RCL1: variants seen among roughly 807,000 people sequenced by gnomAD.
RCL1 encodes RNA terminal phosphate cyclase like 1.
A neutral mutation model predicts 42.4 loss-of-function variants in RCL1; 24 were observed. That is an observed-to-expected ratio of 0.57 (90% CI 0.41 to 0.80). RCL1 has a LOEUF of 0.80. RCL1 is among the 30% of genes least tolerant of loss of function. RCL1 has a pLI of 0.00. For synonymous variants in RCL1, 228 were observed against 177.3 expected (o/e 1.29, Z -2.27); for missense variants, 578 against 467.9 (o/e 1.24, Z -2.17).
At position 4,805,844 on chromosome 9, in the gene RCL1, CAG is replaced by C. The variant is rs201455509; in HGVS notation, c.136+12620_136+12621del. 8.2e-4 allele frequency among the ~76,000 whole-genome samples: 125 copies of C among 152,248 alleles called. 4 individuals carry two copies. The East Asian group carries it at 0.024, about 29-fold the overall frequency. On this transcript the variant is annotated intron_variant, in intron 1 of 8. Coordinates refer to ENST00000381750, the MANE Select transcript of RCL1 (RefSeq NM_005772.5). Reference sequence around the variant, plus strand: ...GCTTGCCTTGTCAGTCTGGGGAACTCAGAGTCTTTATTTCTTTTGTTGCTGTT... The same window carrying C: ...GCTTGCCTTGTCAGTCTGGGGAACTCAGTCTTTATTTCTTTTGTTGCTGTT...
chr9:4,815,665 C>G (rs78914544), intron 1 of RCL1, among the ~76,000 whole-genome samples: 1 of 151,784 alleles, frequency 6.6e-6, no homozygotes, highest in Non-Finnish European at 1.5e-5. Flanking sequence ...GCTGCTTGCT[C>G]CTGGAGCAAG....
intron 1 of RCL1, among the ~76,000 whole-genome samples, chr9:4,814,052 T>C (rs935381546): frequency 2.0e-5 from 3 of 151,888 alleles, no homozygotes; most frequent in African/African-American, 7.3e-5. Flanking sequence ...GTGGGGGGAA[T>C]GACGAGTTAA....
At chr9:4,797,514 C>T (rs942341583) in intron 1 of RCL1, among the ~76,000 whole-genome samples, 3 of 152,284 alleles carry the variant, frequency 2.0e-5, no homozygotes, top group South Asian at 2.1e-4. Context: ...CATTTGGAGA[C>T]ATTTTTGGTT....
chr9:4,811,075 T>C (rs1458989284), intron 1 of RCL1, among the ~76,000 whole-genome samples: 1 of 152,032 alleles, frequency 6.6e-6, no homozygotes, highest in East Asian at 1.9e-4. Context: ...TATTTGAAAA[T>C]ATACACCAGC....
At chr9:4,799,978 C>G (rs1416727485) in intron 1 of RCL1, among the ~76,000 whole-genome samples, 1 of 152,088 alleles carries the variant, frequency 6.6e-6, no homozygotes, top group Non-Finnish European at 1.5e-5. Context: ...GTGTGATTAG[C>G]CTGAGGTTAT....
At chr9:4,817,928 T>C (rs908865409) in intron 1 of RCL1, among the ~76,000 whole-genome samples, 1 of 147,058 alleles carries the variant, frequency 6.8e-6, no homozygotes, top group Non-Finnish European at 1.5e-5. Flanking sequence ...TTTTTTTTTT[T>C]TTTTTTTTTG....
intron 2 of RCL1, among the ~76,000 whole-genome samples, chr9:4,824,574 T>C (rs936918172): frequency 2.0e-5 from 3 of 152,200 alleles, no homozygotes; most frequent in African/African-American, 7.2e-5. Context: ...GAAACTTGTG[T>C]CTACATTGTA....
At chr9:4,821,654 T>TC (rs1816599891) in intron 1 of RCL1, among the ~76,000 whole-genome samples, 2 of 152,012 alleles carry the variant, frequency 1.3e-5, no homozygotes, top group African/African-American at 4.8e-5. Flanking sequence ...ATTTTTTTTT[T>TC]TCCCCCCAGA....
intron 3 of RCL1, among the ~76,000 whole-genome samples, chr9:4,829,896 C>T (rs1347469631): frequency 6.6e-6 from 1 of 152,182 alleles, no homozygotes; most frequent in Non-Finnish European, 1.5e-5. Flanking sequence ...TTCAGCTGGA[C>T]ACAGGTCACA....
intron 3 of RCL1, among the ~76,000 whole-genome samples, chr9:4,829,069 G>C (rs185852734): frequency 1.6e-3 from 248 of 152,292 alleles, no homozygotes; most frequent in African/African-American, 5.7e-3. Flanking sequence ...GAGTGATTCT[G>C]TCCTTAACAA....
At chr9:4,827,312 G>A in intron 3 of RCL1, 1 of 1,132,802 alleles carries the variant, frequency 8.8e-7, no homozygotes, top group Non-Finnish European at 1.2e-6. Flanking sequence ...TAGTTGACAT[G>A]AACTATAGTT....
At chr9:4,801,464 A>G (rs1456414059) in intron 1 of RCL1, among the ~76,000 whole-genome samples, 1 of 152,152 alleles carries the variant, frequency 6.6e-6, no homozygotes, top group Non-Finnish European at 1.5e-5. Flanking sequence ...ACAGGTGTGA[A>G]CCACGGTGCC....
At chr9:4,845,405 C>T (rs1393965057) in intron 7 of RCL1, among the ~76,000 whole-genome samples, 1 of 152,188 alleles carries the variant, frequency 6.6e-6, no homozygotes, top group African/African-American at 2.4e-5. Flanking sequence ...CTCTCAGTTG[C>T]CACAGTCTTT....
In RCL1 at chr9:4,860,215, T is replaced by A; in HGVS notation, c.1062T>A (p.Asp354Glu). ...GTGGTGAAGAACTCAAGGGTGGGGA[T>A]AAAGTGCTGATGACCTGTGTTGGCA... is the stretch of plus-strand genomic sequence containing the variant. ...KPCGEELKGG[D>E]KVLMTCVGIG... The change falls in exon 9 of 9, where the codon GAT (aspartate) becomes GAA (glutamate). Residue 354 changes from aspartate to glutamate, a missense_variant. Coordinates refer to ENST00000381750, the MANE Select transcript of RCL1 (RefSeq NM_005772.5). The A allele has an allele frequency of 6.2e-7, 1 of 1,613,322 alleles. No homozygotes were observed. The highest frequency in any genetic ancestry group is 8.5e-7 in the Non-Finnish European group (1 of 1,179,692).
At chr9:4,819,421 G>A (rs377186) in intron 1 of RCL1, among the ~76,000 whole-genome samples, 58,851 of 152,022 alleles carry the variant, frequency 0.39, 12,314 homozygotes, top group South Asian at 0.49. Flanking sequence ...TTTTCCCCAG[G>A]CTTTTTCTTT....
intron 1 of RCL1, among the ~76,000 whole-genome samples, chr9:4,809,587 C>T (rs1189740119): frequency 4.6e-5 from 7 of 152,020 alleles, no homozygotes; most frequent in South Asian, 2.1e-4. Flanking sequence ...GGATTACAGG[C>T]GTGAGCCACT....
intron 1 of RCL1, among the ~76,000 whole-genome samples, chr9:4,797,606 C>A (rs1052990303): frequency 6.6e-6 from 1 of 152,166 alleles, no homozygotes; most frequent in Non-Finnish European, 1.5e-5. Context: ...ACAGGACAGC[C>A]TCCCACAACA....
intron 8 of RCL1, among the ~76,000 whole-genome samples, chr9:4,855,058 A>C (rs1329176166): frequency 7.2e-6 from 1 of 139,390 alleles, no homozygotes; most frequent in Non-Finnish European, 1.5e-5. Context: ...GTCTCAAAAA[A>C]AAAAAAAAAA....
intron 7 of RCL1, 90 bp downstream of exon 7, chr9:4,844,771 A>G (rs921426103): frequency 1.5e-6 from 2 of 1,358,574 alleles, no homozygotes; most frequent in East Asian, 4.6e-5. Context: ...TCCTCTTCCA[A>G]GGGCTCAAGC....
Sources: allele counts gnomAD v4.1 joint callset (sites outside exome capture counted in the v4.1 genomes callset), GRCh38; gene constraint gnomAD v4.1.1; transcripts MANE v1.5; gene names NCBI Gene and HGNC (gene_info 2026-07-23, HGNC 2026-07-21).